The following VPS41 variants were observed in gnomAD, a reference collection of about 807,000 sequenced individuals.
The protein encoded by VPS41 is VPS41 subunit of HOPS complex.
Under a neutral mutation model 130.9 loss-of-function variants are expected in VPS41, and 85 were observed. The ratio of observed to expected loss-of-function variants is 0.65; its 90% CI spans 0.55 to 0.78. The LOEUF is 0.78. Among genes scored for constraint, VPS41 ranks in the 30% least tolerant of loss-of-function variants. VPS41 has a pLI of 0.00. For missense variants in VPS41, 874 were observed against 1,018.7 expected (o/e 0.86, Z 1.93); for synonymous variants, 335 against 332.9 (o/e 1.01, Z -0.07).
chr7:38,774,213 T>A lies in VPS41; in HGVS notation c.914A>T (p.Asp305Val). The A allele has an allele frequency of 6.2e-7, 1 of 1,609,984 alleles. No homozygotes were observed. Among genetic ancestry groups the A allele is most frequent in the South Asian group, 1.1e-5 (1 of 90,634 alleles). Reference protein sequence around the residue: ...EREYCARPRLDIIQPLSETCE... With the variant: ...EREYCARPRLVIIQPLSETCE... ...AGTCTCAGAAAGTGGCTGGATGATG[T>A]CCAGTCTAGGCCTGGCACAGTATTC... Residue 305 changes from aspartate (D) to valine (V), a missense_variant, in exon 12 of 29, where the codon GAC (aspartate) becomes GTC (valine). Asp to Val is a radical substitution (Grantham distance 152). Coordinates refer to ENST00000310301, the MANE Select transcript of VPS41 (RefSeq NM_014396.4).
chr7:38,883,223 CAG>C (rs1458885636), intron 2 of VPS41, among the ~76,000 whole-genome samples: 1 of 152,200 alleles, frequency 6.6e-6, no homozygotes, highest in African/African-American at 2.4e-5. Context: ...GCCTGGGTGA[CAG>C]AGTGAGACTC....
chr7:38,791,181 T>C (rs566383640), intron 9 of VPS41, among the ~76,000 whole-genome samples: 1 of 152,268 alleles, frequency 6.6e-6, no homozygotes, highest in East Asian at 1.9e-4. Flanking sequence ...CCTGTCCACT[T>C]CTCCAATTTT....
intron 19 of VPS41, among the ~76,000 whole-genome samples, chr7:38,755,717 T>C (rs1175690840): frequency 1.3e-5 from 2 of 152,192 alleles, no homozygotes; most frequent in African/African-American, 4.8e-5. Flanking sequence ...CTGGATCACA[T>C]TCTAGAATAG....
rs1028914966 is a variant in VPS41 at position 38,774,847 on chromosome 7, C to A, written c.883-603G>T. Reference sequence around the variant, plus strand: ...CAGCACAATTTCTAACACACATGTGCTTTATCAATGAATGAAAGAAAAGTA... The same window carrying A: ...CAGCACAATTTCTAACACACATGTGATTTATCAATGAATGAAAGAAAAGTA... On this transcript the variant is annotated intron_variant, in intron 11 of 28. Transcript: ENST00000310301. Among the ~76,000 whole-genome samples the A allele has an allele frequency of 1.4e-4, 22 of 152,172 alleles. No homozygotes were observed. In the South Asian group the frequency reaches 2.1e-3, roughly 14 times the overall value.
intron 2 of VPS41, among the ~76,000 whole-genome samples, chr7:38,876,659 C>T (rs1786498480): frequency 6.6e-6 from 1 of 150,616 alleles, no homozygotes; most frequent in African/African-American, 2.4e-5. Flanking sequence ...ATTTTTATCT[C>T]TCAAAGCTGC....
At chr7:38,845,282 T>C (rs765694979) in intron 4 of VPS41, among the ~76,000 whole-genome samples, 3 of 152,210 alleles carry the variant, frequency 2.0e-5, no homozygotes, top group Non-Finnish European at 2.9e-5. Context: ...AGGCTTTTGG[T>C]ACAAATCATC....
At chr7:38,860,325 TATAGA>T (rs1786078084) in intron 4 of VPS41, among the ~76,000 whole-genome samples, 2 of 152,198 alleles carry the variant, frequency 1.3e-5, no homozygotes, top group South Asian at 2.1e-4. Flanking sequence ...GTACAACTTA[TATAGA>T]ATAAAGTACA....
chr7:38,771,639 T>C (rs972807469), intron 13 of VPS41, among the ~76,000 whole-genome samples: 2 of 152,216 alleles, frequency 1.3e-5, no homozygotes, highest in Admixed American at 1.3e-4. Flanking sequence ...TTATGACATA[T>C]TGATAAAGGA....
intron 4 of VPS41, among the ~76,000 whole-genome samples, chr7:38,831,865 C>G (rs926158107): frequency 6.6e-6 from 1 of 152,186 alleles, no homozygotes; most frequent in African/African-American, 2.4e-5. Context: ...AACGAAGTTT[C>G]CATTACAACA....
intron 7 of VPS41, among the ~76,000 whole-genome samples, chr7:38,799,235 AC>A (rs1433135783): frequency 2.6e-5 from 4 of 152,238 alleles, no homozygotes; most frequent in South Asian, 2.1e-4. Context: ...TTCAAAAAAA[AC>A]AAAAGAACTT....
At chr7:38,734,691 C>G (rs10951574) in intron 25 of VPS41, among the ~76,000 whole-genome samples, 136,081 of 152,256 alleles carry the variant, frequency 0.89, 60,904 homozygotes, top group East Asian at 0.99. Context: ...AGCGGCCATG[C>G]GAAAAATGCC....
chr7:38,791,340 T>C (rs1339800448), intron 9 of VPS41, among the ~76,000 whole-genome samples: 1 of 152,210 alleles, frequency 6.6e-6, no homozygotes, highest in Admixed American at 6.5e-5. Flanking sequence ...TGAGGAACAG[T>C]CTTTCAAATG....
chr7:38,817,858 C>A lies in VPS41; in HGVS notation c.409G>T (p.Val137Leu), dbSNP rs144195455. ...ACAAACTGCTTGCAACTGGATCTCACGAAATGTGGGTGCACAGCAATAATC... is the reference window on the plus strand; with the variant it reads ...ACAAACTGCTTGCAACTGGATCTCAAGAAATGTGGGTGCACAGCAATAATC... The part of the protein sequence containing the change: ...IKIIAVHPHF[V>L]RSSCKQFVTG... Residue 137 changes from valine to leucine, a missense_variant, in exon 7 of 29, where the codon GTG becomes TTG. By Grantham distance (32) the Val-to-Leu change is conservative. Transcript: ENST00000310301. 6.2e-7 allele frequency: 1 copy of A among 1,614,038 alleles called. No homozygotes were observed. Among genetic ancestry groups the A allele is most frequent in the South Asian group, 1.1e-5 (1 of 91,072 alleles).
intron 2 of VPS41, among the ~76,000 whole-genome samples, chr7:38,893,052 T>A (rs1786901540): frequency 1.3e-5 from 2 of 152,270 alleles, no homozygotes; most frequent in South Asian, 2.1e-4. Flanking sequence ...TTCCAGTTCA[T>A]CTGTCACCAA....
At chr7:38,804,570 G>A (rs2116031609) in intron 7 of VPS41, among the ~76,000 whole-genome samples, 1 of 152,276 alleles carries the variant, frequency 6.6e-6, no homozygotes, top group South Asian at 2.1e-4. Flanking sequence ...GATCAATTCA[G>A]CAACCAAGAA....
Position 38,725,855 on chromosome 7 carries a change from T to C in VPS41, c.*391A>G, listed in dbSNP as rs1365691652. 5 of 159,922 alleles carry C rather than the reference T, an allele frequency of 3.1e-5. No individual in the cohort carries two copies. The highest frequency in any genetic ancestry group is 6.4e-5 in the Admixed American group (1 of 15,624). 9.9% of individuals were successfully genotyped at this position (159,922 alleles called of 1,614,324 possible). ...CAACGTCCAAGTTGCAGGTAGCAGC[T>C]TGCAGGATAACCACAGTTGGCGACG... is the stretch of plus-strand genomic sequence containing the variant. On this transcript the variant is annotated 3_prime_UTR_variant, in exon 29 of 29. Transcript: ENST00000310301.
intron 5 of VPS41, among the ~76,000 whole-genome samples, chr7:38,829,118 C>T (rs1785335856): frequency 6.6e-6 from 1 of 152,112 alleles, no homozygotes; most frequent in Non-Finnish European, 1.5e-5. Context: ...CTGCACAAAC[C>T]AACTCCTCCT....
chr7:38,807,497 T>C (rs1784863399), intron 7 of VPS41, among the ~76,000 whole-genome samples: 2 of 152,180 alleles, frequency 1.3e-5, no homozygotes, highest in South Asian at 2.1e-4. Flanking sequence ...AATACACTCA[T>C]TTTCCTGTCA....
At chr7:38,861,448 G>A (rs1433124159) in intron 4 of VPS41, among the ~76,000 whole-genome samples, 3 of 152,164 alleles carry the variant, frequency 2.0e-5, no homozygotes, top group Admixed American at 2.0e-4. Flanking sequence ...GTGGGTAGAA[G>A]AGGGAAGGTC....
Sources: allele counts gnomAD v4.1 joint callset (sites outside exome capture counted in the v4.1 genomes callset), GRCh38; gene constraint gnomAD v4.1.1; transcripts MANE v1.5; gene names NCBI Gene and HGNC (gene_info 2026-07-23, HGNC 2026-07-21).